The following SLC5A4 variants were observed in gnomAD, a reference collection of about 807,000 sequenced individuals.
SLC5A4 encodes probable glucose sensor protein SLC5A4.
Under a neutral mutation model 70.3 loss-of-function variants are expected in SLC5A4, and 55 were observed. That is an observed-to-expected ratio of 0.78 (90% CI 0.63 to 0.98). The LOEUF (loss-of-function observed/expected upper bound fraction) is 0.98, where lower values mean the gene tolerates loss of function less well. Among genes scored for constraint, SLC5A4 ranks in the 50% least tolerant of loss-of-function variants. SLC5A4 has a pLI of 0.00. For synonymous variants in SLC5A4, 268 were observed against 305.7 expected (o/e 0.88, Z 1.29); for missense variants, 735 against 839.2 (o/e 0.88, Z 1.53).
the SLC5A4 span, chr22:32,271,116 G>A: frequency 1.8e-5 from 11 of 608,062 alleles, no homozygotes; most frequent in Non-Finnish European, 3.3e-5. Context: ...CTGCCGACTG[G>A]GACTCTGTAC....
chr22:32,316,696 ATT>A, the SLC5A4 span, among the ~76,000 whole-genome samples: 40,378 of 148,046 alleles, frequency 0.27, 5,564 homozygotes, highest in South Asian at 0.41. Context: ...TGCTCGGCTA[ATT>A]TTTTTTTTTT....
the SLC5A4 span, among the ~76,000 whole-genome samples, chr22:32,312,365 G>GCGCGCACACACA: frequency 2.0e-5 from 2 of 102,120 alleles, no homozygotes; most frequent in African/African-American, 6.2e-5. Context: ...ACGCGCGCGC[G>GCGCGCACACACA]CACACACACA....
chr22:32,220,556 G>A (rs977543755), intron 14 of SLC5A4, among the ~76,000 whole-genome samples: 1 of 152,204 alleles, frequency 6.6e-6, no homozygotes, highest in African/African-American at 2.4e-5. Flanking sequence ...TGTCTGCCTG[G>A]AATAGAGGGT....
the SLC5A4 span, among the ~76,000 whole-genome samples, chr22:32,322,478 A>G: frequency 6.6e-6 from 1 of 152,030 alleles, no homozygotes; most frequent in Non-Finnish European, 1.5e-5. Flanking sequence ...CCAGCTACTC[A>G]GGAGGCTGAG....
At chr22:32,269,158 T>A in the SLC5A4 span, among the ~76,000 whole-genome samples, 1 of 152,220 alleles carries the variant, frequency 6.6e-6, no homozygotes, top group African/African-American at 2.4e-5. This position sits in a 1 kb window ranked among gnomAD's most constrained non-coding sequence, Gnocchi z 4.1. Flanking sequence ...CCCAAAGTGC[T>A]GGGATTACAG....
intron 13 of SLC5A4, 149 bp downstream of exon 13, chr22:32,224,118 C>T (rs922128169): frequency 3.2e-6 from 2 of 619,904 alleles, no homozygotes; most frequent in Admixed American, 2.8e-5. Flanking sequence ...GACAAGGTTT[C>T]ACCGTGTTAA....
chr22:32,333,632 C>T, the SLC5A4 span, among the ~76,000 whole-genome samples: 3 of 152,082 alleles, frequency 2.0e-5, no homozygotes, highest in Non-Finnish European at 4.4e-5. Flanking sequence ...CGGGCTCTGA[C>T]CTGACCAGCT....
At chr22:32,313,395 C>A in the SLC5A4 span, among the ~76,000 whole-genome samples, 1 of 152,252 alleles carries the variant, frequency 6.6e-6, no homozygotes, top group Admixed American at 6.5e-5. Context: ...CTATAACAAA[C>A]TAAATATTAA....
the SLC5A4 span, among the ~76,000 whole-genome samples, chr22:32,275,506 T>C: frequency 6.6e-6 from 1 of 152,192 alleles, no homozygotes; most frequent in East Asian, 1.9e-4. Flanking sequence ...CTGAGAATGA[T>C]GGTTTCCAGC....
At chr22:32,353,796 C>T in the SLC5A4 span, among the ~76,000 whole-genome samples, 1 of 148,810 alleles carries the variant, frequency 6.7e-6, no homozygotes, top group African/African-American at 2.5e-5. Flanking sequence ...CGCTCCCTGC[C>T]GTACACAGTG....
At chr22:32,328,391 G>T in the SLC5A4 span, among the ~76,000 whole-genome samples, 5 of 152,134 alleles carry the variant, frequency 3.3e-5, no homozygotes, top group African/African-American at 9.7e-5. Context: ...ACAGGCATGG[G>T]ATGTCCCTTC....
the SLC5A4 span, among the ~76,000 whole-genome samples, chr22:32,342,433 T>C: frequency 6.6e-6 from 1 of 151,936 alleles, no homozygotes. Flanking sequence ...GATATAACTA[T>C]AGAGAGAAAA....
At chr22:32,225,898 G>A (rs982321024) in intron 11 of SLC5A4, 75 bp from the exon 12 acceptor site, 32 of 992,852 alleles carry the variant, frequency 3.2e-5, no homozygotes, top group African/African-American at 2.8e-4. Flanking sequence ...TAGTTCTAGC[G>A]TTCATTCTTG....
the SLC5A4 span, among the ~76,000 whole-genome samples, chr22:32,352,827 C>G: frequency 2.4e-3 from 365 of 152,356 alleles, 2 homozygotes; most frequent in Non-Finnish European, 3.9e-3. Context: ...GGCAGCCAGC[C>G]GCCATCCTAC....
At chr22:32,298,623 G>A in the SLC5A4 span, among the ~76,000 whole-genome samples, 1 of 84,078 alleles carries the variant, frequency 1.2e-5, no homozygotes, top group Non-Finnish European at 2.5e-5. Context: ...GCCAGTCTGT[G>A]TCTTTTAATT....
chr22:32,233,740 T>G (rs1207541027), intron 8 of SLC5A4, among the ~76,000 whole-genome samples: 1 of 152,064 alleles, frequency 6.6e-6, no homozygotes, highest in East Asian at 1.9e-4. Flanking sequence ...GACAGAAGGA[T>G]TGCTGGAGTC....
chr22:32,238,168 G>GTTT (rs1926171965), intron 6 of SLC5A4, among the ~76,000 whole-genome samples: 1 of 151,944 alleles, frequency 6.6e-6, no homozygotes, highest in South Asian at 2.1e-4. Context: ...AGCAGGTGAA[G>GTTT]CAATCATCTT....
the SLC5A4 span, among the ~76,000 whole-genome samples, chr22:32,307,736 G>A: frequency 6.6e-6 from 1 of 152,230 alleles, no homozygotes; most frequent in Admixed American, 6.5e-5. Context: ...CATAGTAAGT[G>A]CACAGGCTTG....
chr22:32,264,934 T>TC, the SLC5A4 span, among the ~76,000 whole-genome samples: 2 of 152,254 alleles, frequency 1.3e-5, no homozygotes, highest in African/African-American at 4.8e-5. Context: ...TTTCTTTTTT[T>TC]CATCTCAAGT....
Sources: allele counts gnomAD v4.1 joint callset (sites outside exome capture counted in the v4.1 genomes callset), GRCh38; gene constraint gnomAD v4.1.1; non-coding constraint Gnocchi (gnomAD v3.1); transcripts MANE v1.5; gene names NCBI Gene and HGNC (gene_info 2026-07-23, HGNC 2026-07-21).